GRM7: variants seen among roughly 807,000 people sequenced by gnomAD.
GRM7 encodes metabotropic glutamate receptor 7.
Under a neutral mutation model 84.5 loss-of-function variants are expected in GRM7, and 35 were observed. The observed-to-expected ratio is 0.41, with a 90% confidence interval of 0.32 to 0.55. The LOEUF (loss-of-function observed/expected upper bound fraction) is 0.55, where lower values mean the gene tolerates loss of function less well. Ranked by LOEUF, GRM7 falls within the 20% of genes least tolerant of loss-of-function variation. The probability of loss-of-function intolerance (pLI) is 0.19; values close to 1 mark genes in which losing one functional copy is unlikely to be tolerated. For missense variants in GRM7, 1,003 were observed against 1,194.6 expected (o/e 0.84, Z 2.36); for synonymous variants, 487 against 455.1 (o/e 1.07, Z -0.89).
chr3:7,178,821 C>A (rs1695241969), intron 2 of GRM7, among the ~76,000 whole-genome samples: 1 of 152,118 alleles, frequency 6.6e-6, no homozygotes, highest in Non-Finnish European at 1.5e-5. Flanking sequence ...TGGCTCATGC[C>A]TGTAATCCCA....
chr3:7,486,923 G>A lies in GRM7; in HGVS notation c.1515+25201G>A, dbSNP rs1164413423. ...AGATTCTTGTGAGGACATAGAAGAC[G>A]AGAATACTAGGGAAAGTTTGGAACT... On this transcript the variant is annotated intron_variant, in intron 7 of 9. Transcript: ENST00000357716. This position sits in a 1 kb window ranked among gnomAD's most constrained non-coding sequence, Gnocchi z 5.5. Among the ~76,000 whole-genome samples the A allele has an allele frequency of 1.3e-5, 2 of 152,180 alleles. No homozygotes were observed. Among genetic ancestry groups the A allele is most frequent in the Admixed American group, 1.3e-4 (2 of 15,272 alleles).
intron 1 of GRM7, among the ~76,000 whole-genome samples, chr3:6,943,026 T>A (rs1202684766): frequency 6.6e-6 from 1 of 152,062 alleles, no homozygotes; most frequent in Non-Finnish European, 1.5e-5. Context: ...TTTGATAAAG[T>A]GTCTGTTCAA....
At chr3:7,618,169 G>T (rs1697193359) in intron 8 of GRM7, among the ~76,000 whole-genome samples, 1 of 152,064 alleles carries the variant, frequency 6.6e-6, no homozygotes, top group African/African-American at 2.4e-5. Context: ...TTTACTTAGA[G>T]CCAAGAGCCA....
chr3:6,909,878 T>C (rs1362760117), intron 1 of GRM7, among the ~76,000 whole-genome samples: 5 of 152,102 alleles, frequency 3.3e-5, no homozygotes, highest in South Asian at 2.1e-4. Flanking sequence ...ATTTATAGAA[T>C]AGAAAAAGTA....
intron 8 of GRM7, among the ~76,000 whole-genome samples, chr3:7,611,412 TGTATCA>T (rs1040670712): frequency 1.3e-5 from 2 of 152,130 alleles, no homozygotes; most frequent in Non-Finnish European, 2.9e-5. Context: ...GAAATGGCTT[TGTATCA>T]AGTGCTTCCT....
Position 7,741,355 on chromosome 3 carries a change from A to G in GRM7, c.*949A>G, listed in dbSNP as rs1559515880. On this transcript the variant is annotated 3_prime_UTR_variant, in exon 10 of 10. Coordinates refer to ENST00000357716, the MANE Select transcript of GRM7 (RefSeq NM_000844.4). ...TGATCAGTGTGATAAGGACTTTAGGAAAAAAAGCATGTATGTTTTTTACTG... is the reference window on the plus strand; with the variant it reads ...TGATCAGTGTGATAAGGACTTTAGGGAAAAAAGCATGTATGTTTTTTACTG... 3 of 152,530 alleles carry G rather than the reference A, an allele frequency of 2.0e-5. No homozygotes were observed. Among genetic ancestry groups the G allele is most frequent in the African/African-American group, 7.2e-5 (3 of 41,430 alleles). The allele number at this position is 152,530 out of a possible 1,614,324, so 9.4% of individuals were successfully genotyped here.
intron 1 of GRM7, among the ~76,000 whole-genome samples, chr3:7,008,116 T>A (rs1243153122): frequency 7.8e-3 from 4 of 514 alleles, no homozygotes; most frequent in Admixed American, 0.083. Context: ...TGAGAATGCG[T>A]TTTTTTTTTA....
chr3:7,119,085 C>G (rs1248524388), intron 1 of GRM7, among the ~76,000 whole-genome samples: 2 of 152,046 alleles, frequency 1.3e-5, no homozygotes, highest in East Asian at 1.9e-4. Context: ...ATTTTCAGTT[C>G]TTTTCTGTCC....
chr3:6,975,965 T>C (rs1158179868), intron 1 of GRM7, among the ~76,000 whole-genome samples: 1 of 152,124 alleles, frequency 6.6e-6, no homozygotes, highest in East Asian at 1.9e-4. Context: ...ACTGATTTTG[T>C]TGAAAAAAAT....
Position 7,626,398 on chromosome 3 carries a change from C to G in GRM7, c.2451+47041C>G, listed in dbSNP as rs113129599. ...TGAAATCGCCATGTGGGCATCCTCT[C>G]TAAAGACTGTATTCATTTGCTAGGG... is the stretch of plus-strand genomic sequence containing the variant. On this transcript the variant is annotated intron_variant, in intron 8 of 9. Coordinates refer to ENST00000357716, the MANE Select transcript of GRM7 (RefSeq NM_000844.4). Among the ~76,000 whole-genome samples the G allele has an allele frequency of 2.1e-3, 322 of 152,316 alleles. 3 individuals are homozygous for G. The highest frequency in any genetic ancestry group is 7.4e-3 in the African/African-American group (308 of 41,578).
chr3:7,339,725 G>C (rs1701565974), intron 4 of GRM7, among the ~76,000 whole-genome samples: 1 of 152,030 alleles, frequency 6.6e-6, no homozygotes, highest in Non-Finnish European at 1.5e-5. Flanking sequence ...AAGTATGGGA[G>C]GGGTGAACTG....
chr3:7,288,509 T>C (rs923405548), intron 2 of GRM7, among the ~76,000 whole-genome samples: 1 of 152,142 alleles, frequency 6.6e-6, no homozygotes, highest in African/African-American at 2.4e-5. Context: ...TCTGTAGCAT[T>C]GGACAAATCT....
At chr3:7,099,217 A>G (rs1057373555) in intron 1 of GRM7, among the ~76,000 whole-genome samples, 1 of 148,984 alleles carries the variant, frequency 6.7e-6, no homozygotes, top group East Asian at 2.0e-4. Context: ...TATTGCATAT[A>G]ATAATACATG....
chr3:7,392,109 A>T (rs1364642803), intron 4 of GRM7, among the ~76,000 whole-genome samples: 1 of 152,090 alleles, frequency 6.6e-6, no homozygotes, highest in African/African-American at 2.4e-5. Flanking sequence ...GTGTGGTTTG[A>T]ACTGAGGAGT....
intron 9 of GRM7, among the ~76,000 whole-genome samples, chr3:7,688,954 C>G (rs1228395635): frequency 2.6e-5 from 4 of 152,276 alleles, no homozygotes; most frequent in South Asian, 2.1e-4. Flanking sequence ...CAGGCATCAG[C>G]AGAATCAATA....
At chr3:7,404,905 A>G (rs1695609159) in intron 4 of GRM7, among the ~76,000 whole-genome samples, 2 of 152,176 alleles carry the variant, frequency 1.3e-5, no homozygotes, top group South Asian at 4.1e-4. Flanking sequence ...TTGATAGACA[A>G]TCTCTAACAC....
chr3:7,366,836 G>A (rs7617408), intron 4 of GRM7, among the ~76,000 whole-genome samples: 273 of 151,658 alleles, frequency 1.8e-3, no homozygotes, highest in Middle Eastern at 6.8e-3. Context: ...ATTATGAAAA[G>A]GCATGGGCCA....
intron 1 of GRM7, among the ~76,000 whole-genome samples, chr3:7,078,232 A>G (rs1698160072): frequency 6.6e-6 from 1 of 152,216 alleles, no homozygotes; most frequent in Non-Finnish European, 1.5e-5. Flanking sequence ...GTGACAGCCT[A>G]GATAGGCCAA....
At chr3:6,949,286 A>G (rs1201626399) in intron 1 of GRM7, among the ~76,000 whole-genome samples, 1 of 152,112 alleles carries the variant, frequency 6.6e-6, no homozygotes, top group Non-Finnish European at 1.5e-5. Flanking sequence ...GCTTGTCTGT[A>G]AAGTATTTTA....
Sources: allele counts gnomAD v4.1 joint callset (sites outside exome capture counted in the v4.1 genomes callset), GRCh38; gene constraint gnomAD v4.1.1; non-coding constraint Gnocchi (gnomAD v3.1); transcripts MANE v1.5; gene names NCBI Gene and HGNC (gene_info 2026-07-23, HGNC 2026-07-21).